Variants in CLIC4 observed in about 807,000 individuals in gnomAD.
CLIC4 encodes the protein chloride intracellular channel protein 4.
Under a neutral mutation model 24.6 loss-of-function variants are expected in CLIC4, and 13 were observed. That is an observed-to-expected ratio of 0.53 (90% CI 0.34 to 0.84). The LOEUF (loss-of-function observed/expected upper bound fraction) is 0.84. Ranked by LOEUF, CLIC4 falls within the 40% of genes least tolerant of loss-of-function variation. The pLI, the probability that CLIC4 is intolerant of heterozygous loss-of-function variation, is 0.01. For synonymous variants in CLIC4, 104 were observed against 111.3 expected (o/e 0.93, Z 0.41); for missense variants, 227 against 301.7 (o/e 0.75, Z 1.83).
chr1:24,825,075 A>T (rs1469089680), intron 3 of CLIC4, among the ~76,000 whole-genome samples: 4 of 151,970 alleles, frequency 2.6e-5, no homozygotes, highest in Non-Finnish European at 5.9e-5. Context: ...TCAGAGGGAC[A>T]ACAGGGCATA....
At chr1:24,827,221 T>C in intron 4 of CLIC4, 105 bp downstream of exon 4, 1 of 682,178 alleles carries the variant, frequency 1.5e-6, no homozygotes, top group South Asian at 1.9e-5. Context: ...GTCCAGCCAT[T>C]CCCATAAGTA....
At chr1:24,829,587 C>T (rs1639820046) in intron 4 of CLIC4, among the ~76,000 whole-genome samples, 1 of 152,020 alleles carries the variant, frequency 6.6e-6, no homozygotes. Flanking sequence ...TTGCTAAGGT[C>T]CCAACTGTGA....
intron 1 of CLIC4, among the ~76,000 whole-genome samples, chr1:24,778,308 C>T (rs1201766747): frequency 1.3e-5 from 2 of 152,060 alleles, no homozygotes; most frequent in Admixed American, 6.6e-5. Context: ...TCATATGAAA[C>T]GAGGAAAACA....
chr1:24,776,316 A>G (rs895517350), intron 1 of CLIC4, among the ~76,000 whole-genome samples: 3 of 152,214 alleles, frequency 2.0e-5, no homozygotes, highest in Non-Finnish European at 4.4e-5. Context: ...GTGCAAGGCT[A>G]AAAGATAAAA....
intron 3 of CLIC4, among the ~76,000 whole-genome samples, chr1:24,820,850 T>G (rs193214357): frequency 2.1e-4 from 32 of 152,326 alleles, no homozygotes; most frequent in African/African-American, 6.7e-4. Context: ...TAAATGGACA[T>G]TTCCTCATAT....
intron 1 of CLIC4, among the ~76,000 whole-genome samples, chr1:24,792,621 T>G (rs992492724): frequency 8.5e-5 from 13 of 152,228 alleles, no homozygotes; most frequent in Admixed American, 7.2e-4. Context: ...CTTATTTGAC[T>G]TGTCATTAGT....
At chr1:24,772,689 T>A (rs1639084877) in intron 1 of CLIC4, among the ~76,000 whole-genome samples, 2 of 152,184 alleles carry the variant, frequency 1.3e-5, no homozygotes, top group South Asian at 4.1e-4. Context: ...TTTCACCATC[T>A]TGGCCAGGCT....
At chr1:24,746,061 C>G (rs1301146841) in intron 1 of CLIC4, among the ~76,000 whole-genome samples, 1 of 151,942 alleles carries the variant, frequency 6.6e-6, no homozygotes, top group Non-Finnish European at 1.5e-5. Flanking sequence ...CGGCCCGCCG[C>G]CCGATGAGCT....
At chr1:24,840,671 C>G in intron 5 of CLIC4, 102 bp from the exon 6 acceptor site, 1 of 1,006,422 alleles carries the variant, frequency 9.9e-7, no homozygotes, top group Middle Eastern at 3.4e-4. Flanking sequence ...AAGCAGTTCT[C>G]AAAGATTTAG....
chr1:24,782,452 T>C (rs1639216121), intron 1 of CLIC4, among the ~76,000 whole-genome samples: 4 of 152,160 alleles, frequency 2.6e-5, no homozygotes, highest in South Asian at 2.1e-4. Context: ...TCTTCTCTTA[T>C]TCATCACCAG....
At chr1:24,816,447 T>C (rs192315925) in intron 3 of CLIC4, among the ~76,000 whole-genome samples, 31 of 152,210 alleles carry the variant, frequency 2.0e-4, no homozygotes, top group African/African-American at 6.5e-4. Context: ...TTTGCCATTT[T>C]GGCCAGGCTG....
intron 4 of CLIC4, among the ~76,000 whole-genome samples, chr1:24,836,310 G>A (rs780052591): frequency 1.4e-4 from 21 of 151,880 alleles, no homozygotes; most frequent in African/African-American, 4.6e-4. Context: ...AGAATCAACC[G>A]CAAAAGGAAA....
chr1:24,770,959 A>G (rs1639064068), intron 1 of CLIC4, among the ~76,000 whole-genome samples: 1 of 152,234 alleles, frequency 6.6e-6, no homozygotes, highest in Admixed American at 6.5e-5. Flanking sequence ...ATGATGGAAT[A>G]AATCTGCTTC....
intron 3 of CLIC4, 77 bp downstream of exon 3, chr1:24,814,296 C>A (rs981998868): frequency 4.1e-6 from 6 of 1,452,730 alleles, no homozygotes; most frequent in Non-Finnish European, 5.7e-6. Flanking sequence ...AGAGATCTTT[C>A]TCGCAGCATT....
intron 1 of CLIC4, among the ~76,000 whole-genome samples, chr1:24,761,849 T>A (rs888096683): frequency 6.6e-6 from 1 of 151,774 alleles, no homozygotes; most frequent in African/African-American, 2.4e-5. Context: ...GTTAAGGAGG[T>A]ATGTGAGAGA....
At position 24,751,111 on chromosome 1, in the gene CLIC4, A is replaced by G. The variant is rs936729715; in HGVS notation, c.72+5486A>G. Among the ~76,000 whole-genome samples, 8 of 152,006 alleles carry G rather than the reference A, an allele frequency of 5.3e-5. No individual in the cohort carries two copies. The South Asian group carries it at 1.2e-3, about 24-fold the overall frequency. On this transcript the variant is annotated intron_variant, in intron 1 of 5. Transcript: ENST00000374379. ...ATCCCGATGGTTGGAGCATCAAAGC[A>G]TGGTTCTTCATCCTGATTTCTCTAG...
chr1:24,825,031 C>G (rs1639773687), intron 3 of CLIC4, among the ~76,000 whole-genome samples: 1 of 151,496 alleles, frequency 6.6e-6, no homozygotes, highest in South Asian at 2.1e-4. Flanking sequence ...CACACACACA[C>G]ACACACACAA....
chr1:24,782,599 G>A (rs1472567389), intron 1 of CLIC4, among the ~76,000 whole-genome samples: 3 of 152,092 alleles, frequency 2.0e-5, no homozygotes, highest in South Asian at 2.1e-4. Context: ...GAGCTGTAAT[G>A]TATTTAGAAA....
chr1:24,758,814 T>A (rs1263437162), intron 1 of CLIC4, among the ~76,000 whole-genome samples: 1 of 151,872 alleles, frequency 6.6e-6, no homozygotes, highest in Non-Finnish European at 1.5e-5. Flanking sequence ...TTTTTATTTT[T>A]ATTTTTTTAT....
Sources: allele counts gnomAD v4.1 joint callset (sites outside exome capture counted in the v4.1 genomes callset), GRCh38; gene constraint gnomAD v4.1.1; transcripts MANE v1.5; gene names NCBI Gene and HGNC (gene_info 2026-07-23, HGNC 2026-07-21).